MAP3K5: variants seen among roughly 807,000 people sequenced by gnomAD.
MAP3K5 encodes the protein mitogen-activated protein kinase kinase kinase 5.
MAP3K5 carries 56 observed loss-of-function variants against 158.7 expected under a neutral mutation model. The observed-to-expected ratio is 0.35, with a 90% CI of 0.28 to 0.44. The LOEUF (loss-of-function observed/expected upper bound fraction) is 0.44. Ranked by LOEUF, MAP3K5 falls within the 20% of genes least tolerant of loss-of-function variation. The pLI is 1.00. For missense variants in MAP3K5, 1,294 were observed against 1,674.8 expected (o/e 0.77, Z 3.97); for synonymous variants, 579 against 601.7 (o/e 0.96, Z 0.55).
At chr6:136,572,679 T>C (rs890644524) in intron 25 of MAP3K5, among the ~76,000 whole-genome samples, 4 of 152,258 alleles carry the variant, frequency 2.6e-5, no homozygotes, top group East Asian at 1.9e-4. Context: ...ATTTTACGTA[T>C]GTATATATGA....
intron 1 of MAP3K5, among the ~76,000 whole-genome samples, chr6:136,777,531 TAGG>T (rs926664386): frequency 6.6e-6 from 1 of 152,168 alleles, no homozygotes; most frequent in Non-Finnish European, 1.5e-5. Flanking sequence ...CCTAAAAATC[TAGG>T]AGATGTCATG....
At chr6:136,774,592 G>A (rs755062228) in intron 1 of MAP3K5, among the ~76,000 whole-genome samples, 1 of 152,206 alleles carries the variant, frequency 6.6e-6, no homozygotes, top group Non-Finnish European at 1.5e-5. Flanking sequence ...ACATCATTAA[G>A]TGTCATCTAC....
At chr6:136,746,171 T>C (rs1391885672) in intron 1 of MAP3K5, among the ~76,000 whole-genome samples, 4 of 152,102 alleles carry the variant, frequency 2.6e-5, no homozygotes, top group African/African-American at 7.2e-5. Context: ...ATACCAACTA[T>C]GGTAAATACA....
At chr6:136,709,789 C>A (rs1472852022) in intron 2 of MAP3K5, among the ~76,000 whole-genome samples, 2 of 152,102 alleles carry the variant, frequency 1.3e-5, no homozygotes, top group African/African-American at 4.8e-5. Context: ...CATTCCTGAG[C>A]CAGATGATGG....
At chr6:136,598,566 G>A (rs904717784) in intron 21 of MAP3K5, among the ~76,000 whole-genome samples, 1 of 152,162 alleles carries the variant, frequency 6.6e-6, no homozygotes, top group African/African-American at 2.4e-5. Flanking sequence ...TTAAATCTCT[G>A]GGTCTGTGTG....
intron 23 of MAP3K5, among the ~76,000 whole-genome samples, chr6:136,584,225 C>T (rs1360095868): frequency 1.3e-5 from 2 of 152,152 alleles, no homozygotes; most frequent in Non-Finnish European, 1.5e-5. Context: ...GGATCTCAAC[C>T]TGAAAGTCTG....
Position 136,726,258 on chromosome 6 carries a change from T to TA in MAP3K5, c.449-5670dup, listed in dbSNP as rs549670107. Among the ~76,000 whole-genome samples, 577 of 152,316 alleles carry TA rather than the reference T, an allele frequency of 3.8e-3. 2 individuals carry two copies. The highest frequency in any genetic ancestry group is 6.3e-3 in the Non-Finnish European group (426 of 68,018). On this transcript the variant is annotated intron_variant, in intron 1 of 29. Transcript: ENST00000359015. ...ATTTTGATTGGAATTGTGTTGCATC[T>TA]AAAAAATCACTTTAGAAAGAACTGA...
chr6:136,784,964 TA>T (rs1481527555), intron 1 of MAP3K5, among the ~76,000 whole-genome samples: 4 of 152,224 alleles, frequency 2.6e-5, no homozygotes, highest in African/African-American at 9.6e-5. Context: ...TGGAAAAATT[TA>T]AATGTTGGCA....
At chr6:136,581,125 CTCCCCACAG>C (rs1418744798) in intron 24 of MAP3K5, among the ~76,000 whole-genome samples, 2 of 152,218 alleles carry the variant, frequency 1.3e-5, no homozygotes, top group Admixed American at 6.5e-5. Flanking sequence ...CCATTTCTCC[CTCCCCACAG>C]TCCCTGAAAA....
At chr6:136,564,181 C>T (rs1016043759) in intron 26 of MAP3K5, among the ~76,000 whole-genome samples, 1 of 152,204 alleles carries the variant, frequency 6.6e-6, no homozygotes, top group Non-Finnish European at 1.5e-5. Flanking sequence ...ACCTCAGTCC[C>T]TGGAAAAGAG....
At chr6:136,706,780 C>T (rs1448088223) in intron 2 of MAP3K5, among the ~76,000 whole-genome samples, 1 of 152,092 alleles carries the variant, frequency 6.6e-6, no homozygotes, top group African/African-American at 2.4e-5. Flanking sequence ...TTAAGGATAG[C>T]AGATGAGAAA....
At chr6:136,765,368 C>T (rs1783919145) in intron 1 of MAP3K5, among the ~76,000 whole-genome samples, 1 of 152,154 alleles carries the variant, frequency 6.6e-6, no homozygotes, top group African/African-American at 2.4e-5. Flanking sequence ...GCAAACACAG[C>T]TCACTTTAAC....
chr6:136,711,760 G>T (rs1038304172), intron 2 of MAP3K5, among the ~76,000 whole-genome samples: 1 of 152,014 alleles, frequency 6.6e-6, no homozygotes, highest in African/African-American at 2.4e-5. Flanking sequence ...GTCTCGTTGG[G>T]TTCTATGTAA....
chr6:136,749,901 A>T (rs1783125433), intron 1 of MAP3K5, among the ~76,000 whole-genome samples: 1 of 152,180 alleles, frequency 6.6e-6, no homozygotes, highest in Non-Finnish European at 1.5e-5. Flanking sequence ...CACGGTGAGC[A>T]GCTATATCGG....
intron 7 of MAP3K5, among the ~76,000 whole-genome samples, chr6:136,669,882 A>AGGGT (rs758831699): frequency 1.8e-5 from 2 of 109,206 alleles, no homozygotes; most frequent in Non-Finnish European, 4.0e-5. Flanking sequence ...GCCATCATTC[A>AGGGT]GGGTGTGTGT....
At chr6:136,648,188 A>G (rs2114375542) in intron 11 of MAP3K5, among the ~76,000 whole-genome samples, 1 of 152,302 alleles carries the variant, frequency 6.6e-6, no homozygotes, top group African/African-American at 2.4e-5. Context: ...ATAAATTAGT[A>G]TCACAAGTAA....
intron 9 of MAP3K5, among the ~76,000 whole-genome samples, chr6:136,657,655 T>A (rs1778809439): frequency 6.6e-6 from 1 of 152,194 alleles, no homozygotes; most frequent in Non-Finnish European, 1.5e-5. Context: ...ATACACTCAG[T>A]ATCAAGAGAA....
chr6:136,588,178 C>T (rs1562526540), intron 23 of MAP3K5, among the ~76,000 whole-genome samples: 1 of 152,162 alleles, frequency 6.6e-6, no homozygotes, highest in Non-Finnish European at 1.5e-5. Flanking sequence ...ACCTCCAATG[C>T]CTAATCCCCA....
At chr6:136,707,559 G>C (rs988148411) in intron 2 of MAP3K5, among the ~76,000 whole-genome samples, 7 of 116,838 alleles carry the variant, frequency 6.0e-5, no homozygotes, top group East Asian at 2.1e-4. Flanking sequence ...GAGGTACTTG[G>C]GGGGGGGGGG....
Sources: allele counts gnomAD v4.1 joint callset (sites outside exome capture counted in the v4.1 genomes callset), GRCh38; gene constraint gnomAD v4.1.1; transcripts MANE v1.5; gene names NCBI Gene and HGNC (gene_info 2026-07-23, HGNC 2026-07-21).